Variants in CSGALNACT1 observed in about 807,000 individuals in gnomAD.
CSGALNACT1 encodes beta4GalNAcT-1.
In CSGALNACT1, 52 loss-of-function variants were observed where a neutral mutation model predicts 51.0. The ratio of observed to expected loss-of-function variants is 1.02; its 90% CI spans 0.82 to 1.29. CSGALNACT1 has a LOEUF of 1.29. CSGALNACT1 is among the 50% of genes most tolerant of loss of function. The pLI is 0.00. For missense variants in CSGALNACT1, 935 were observed against 679.2 expected, an observed-to-expected ratio of 1.38 and a Z score of -4.19; for synonymous variants, 341 against 254.4, an observed-to-expected ratio of 1.34 and a Z score of -3.24.
chr8:19,694,669 A>C (rs1340846106), intron 1 of CSGALNACT1, among the ~76,000 whole-genome samples: 1 of 152,178 alleles, frequency 6.6e-6, no homozygotes, highest in Non-Finnish European at 1.5e-5. Context: ...GGTTCCCTTA[A>C]TGCTAAATAA....
chr8:19,593,865 T>C (rs1588835372), intron 2 of CSGALNACT1, among the ~76,000 whole-genome samples: 1 of 152,202 alleles, frequency 6.6e-6, no homozygotes, highest in African/African-American at 2.4e-5. Context: ...CACAAGCCCA[T>C]CTGTCTCAAG....
At chr8:19,458,055 C>A (rs2064501869) in intron 5 of CSGALNACT1, among the ~76,000 whole-genome samples, 1 of 152,210 alleles carries the variant, frequency 6.6e-6, no homozygotes, top group South Asian at 2.1e-4. Context: ...CCACCACCAG[C>A]TCCTCTCTCC....
Position 19,633,920 on chromosome 8 carries a change from A to G in CSGALNACT1, c.-543-32055T>C, listed in dbSNP as rs543920585. Among the ~76,000 whole-genome samples the G allele has an allele frequency of 2.1e-3, 326 of 151,878 alleles. 2 individuals carry two copies. Among genetic ancestry groups the G allele is most frequent in the Non-Finnish European group, 2.1e-3 (141 of 67,950 alleles). The stretch of plus-strand genomic sequence containing the variant: ...ACTGGGGCCCAACCTTGCTGCACTA[A>G]CCTCCTCCCCAGGGACCAGACTTCT... On this transcript the variant is annotated intron_variant, in intron 1 of 9. Transcript: ENST00000332246.
intron 3 of CSGALNACT1, among the ~76,000 whole-genome samples, chr8:19,509,572 A>G (rs1236146526): frequency 7.2e-6 from 1 of 138,802 alleles, no homozygotes; most frequent in Non-Finnish European, 1.5e-5. Flanking sequence ...CAATGAGCTG[A>G]GATTGCACCA....
chr8:19,513,971 C>T (rs1274615758), intron 3 of CSGALNACT1, among the ~76,000 whole-genome samples: 2 of 152,116 alleles, frequency 1.3e-5, no homozygotes, highest in South Asian at 2.1e-4. Flanking sequence ...CATCATCTCC[C>T]CAAACCACAT....
intron 4 of CSGALNACT1, among the ~76,000 whole-genome samples, chr8:19,471,207 G>A (rs973610338): frequency 6.6e-6 from 1 of 152,158 alleles, no homozygotes. Flanking sequence ...CCTCCAATGG[G>A]CATGCGTATC....
chr8:19,754,778 T>TA (rs2065252344), intron 1 of CSGALNACT1, among the ~76,000 whole-genome samples: 1 of 152,212 alleles, frequency 6.6e-6, no homozygotes, highest in African/African-American at 2.4e-5. Flanking sequence ...ATAATGGTAA[T>TA]AAATGACAGC....
intron 3 of CSGALNACT1, among the ~76,000 whole-genome samples, chr8:19,574,919 C>T (rs769071436): frequency 6.6e-6 from 1 of 152,028 alleles, no homozygotes; most frequent in Non-Finnish European, 1.5e-5. Flanking sequence ...CCTGTAGTCT[C>T]AGCTACTCGG....
chr8:19,681,726 C>T (rs1283154342), intron 1 of CSGALNACT1, among the ~76,000 whole-genome samples: 2 of 152,206 alleles, frequency 1.3e-5, no homozygotes, highest in Non-Finnish European at 2.9e-5. Flanking sequence ...TCAACTCCTC[C>T]CATCTCTGTC....
intron 6 of CSGALNACT1, among the ~76,000 whole-genome samples, chr8:19,428,822 G>GAT (rs201258166): frequency 0.034 from 2,022 of 59,988 alleles, 46 homozygotes; most frequent in Middle Eastern, 0.045. Context: ...CATAAGACAT[G>GAT]ATATGTGTGT....
At chr8:19,624,773 G>C (rs1199427190) in intron 1 of CSGALNACT1, among the ~76,000 whole-genome samples, 1 of 151,836 alleles carries the variant, frequency 6.6e-6, no homozygotes, top group Non-Finnish European at 1.5e-5. Context: ...CCGCCTCCCG[G>C]GTTCAAGCGA....
At chr8:19,655,206 A>G (rs1013943693) in intron 1 of CSGALNACT1, among the ~76,000 whole-genome samples, 2 of 152,146 alleles carry the variant, frequency 1.3e-5, no homozygotes, top group South Asian at 4.1e-4. Context: ...ATAGGATGAA[A>G]GTTCTGCCAA....
chr8:19,588,959 G>A lies in CSGALNACT1; in HGVS notation c.-297+2201C>T, dbSNP rs543594563. On this transcript the variant is annotated intron_variant, in intron 3 of 9. Coordinates refer to ENST00000454498, the Ensembl canonical transcript of CSGALNACT1. ...GGTGTTTGAAAATGTGTGGGGGTGGGGAAGCATTCTGGTTGACACAATCAC... is the reference window on the plus strand; with the variant it reads ...GGTGTTTGAAAATGTGTGGGGGTGGAGAAGCATTCTGGTTGACACAATCAC... Among the ~76,000 whole-genome samples, 27 of 152,226 alleles carry A rather than the reference G, an allele frequency of 1.8e-4. No homozygotes were observed. In the South Asian group the frequency reaches 5.6e-3, roughly 32 times the overall value.
At chr8:19,591,704 G>A (rs915961721) in intron 2 of CSGALNACT1, among the ~76,000 whole-genome samples, 2 of 151,986 alleles carry the variant, frequency 1.3e-5, no homozygotes, top group South Asian at 4.1e-4. Flanking sequence ...CAGGAGGATC[G>A]CTTAAGCCCA....
At chr8:19,524,537 A>C (rs1217253695) in intron 3 of CSGALNACT1, among the ~76,000 whole-genome samples, 1 of 151,890 alleles carries the variant, frequency 6.6e-6, no homozygotes, top group East Asian at 1.9e-4. Flanking sequence ...TCATAGTCCT[A>C]ATTTTTTTAA....
intron 5 of CSGALNACT1, among the ~76,000 whole-genome samples, chr8:19,443,910 C>G (rs368516622): frequency 6.6e-6 from 1 of 152,122 alleles, no homozygotes; most frequent in African/African-American, 2.4e-5. Context: ...CTTATGGTTT[C>G]AGCATGAAAC....
At chr8:19,565,697 T>C (rs2154102550) in intron 3 of CSGALNACT1, among the ~76,000 whole-genome samples, 1 of 152,262 alleles carries the variant, frequency 6.6e-6, no homozygotes, top group African/African-American at 2.4e-5. Flanking sequence ...GGTGGGTGGA[T>C]CATCTGAGGT....
exon 10 of CSGALNACT1, chr8:19,405,858 C>T: frequency 1.2e-6 from 2 of 1,614,138 alleles, no homozygotes; most frequent in Non-Finnish European, 1.7e-6. Flanking sequence ...CCAGCATGCC[C>T]AGCTGGCCGT....
rs1024497428 is a variant in CSGALNACT1, at chr8:19,529,812, A to G, written c.-296-23682T>C. ...ATAACCTAAGCACATCCTCCTGTAT[A>G]CTTTAAATCATCTCTACATTATTTA... On this transcript the variant is annotated intron_variant, in intron 3 of 9. Transcript: ENST00000454498. 3.9e-5 allele frequency among the ~76,000 whole-genome samples: 6 copies of G among 152,326 alleles called. No homozygotes were observed. The South Asian group carries it at 1.2e-3, about 32-fold the overall frequency.
Sources: gnomAD v4.1 joint callset for allele counts (sites outside exome capture counted in the v4.1 genomes callset) on GRCh38, gnomAD v4.1.1 for gene constraint, MANE v1.5 for transcripts, NCBI Gene and HGNC (gene_info 2026-07-23, HGNC 2026-07-21) for gene names.